The following KIAA1328 variants were observed in gnomAD, a reference collection of about 807,000 sequenced individuals.
KIAA1328 encodes KIAA1328, also known as protein hinderin.
In KIAA1328, 52 loss-of-function variants were observed where a neutral mutation model predicts 68.1. The ratio of observed to expected loss-of-function variants is 0.76; its 90% CI spans 0.61 to 0.96. KIAA1328 has a LOEUF of 0.96. Ranked by LOEUF, KIAA1328 falls within the 40% of genes least tolerant of loss-of-function variation. The pLI, the probability that KIAA1328 is intolerant of heterozygous loss-of-function variation, is 0.00. For missense variants in KIAA1328, 641 were observed against 677.6 expected (o/e 0.95, Z 0.60); for synonymous variants, 232 against 239.4 (o/e 0.97, Z 0.28).
chr18:37,204,531 G>A (rs1252036183), intron 9 of KIAA1328, among the ~76,000 whole-genome samples: 1 of 152,120 alleles, frequency 6.6e-6, no homozygotes, highest in African/African-American at 2.4e-5. Flanking sequence ...CAGTTTAAAA[G>A]GATAGTTGGA....
At chr18:36,997,934 G>A (rs2053453266) in intron 6 of KIAA1328, among the ~76,000 whole-genome samples, 1 of 152,130 alleles carries the variant, frequency 6.6e-6, no homozygotes, top group Non-Finnish European at 1.5e-5. Context: ...TGAGAAGGAT[G>A]TGCCTTCCCC....
At chr18:37,207,062 G>A (rs912091113) in intron 9 of KIAA1328, among the ~76,000 whole-genome samples, 5 of 152,272 alleles carry the variant, frequency 3.3e-5, no homozygotes, top group Admixed American at 3.3e-4. Flanking sequence ...TGGCAAAAAG[G>A]TAGAAAAAGA....
chr18:36,930,643 G>T (rs2050277593), intron 5 of KIAA1328, among the ~76,000 whole-genome samples: 1 of 152,056 alleles, frequency 6.6e-6, no homozygotes, highest in South Asian at 2.1e-4. Flanking sequence ...TACAAAGATG[G>T]TTATAAAATG....
intron 8 of KIAA1328, among the ~76,000 whole-genome samples, chr18:37,163,955 A>G (rs1034432348): frequency 3.3e-5 from 5 of 152,230 alleles, no homozygotes; most frequent in Non-Finnish European, 5.9e-5. Context: ...TATGTAGAAT[A>G]AATTCTCCTG....
chr18:37,222,331 G>A lies in KIAA1328; in HGVS notation c.*104G>A, dbSNP rs116461638. Reference sequence around the variant, plus strand: ...GTAATTGTGTCTCTCCTTTCACGGGGACTTGTCTCACTAGCATCCTGTTAC... The same window carrying A: ...GTAATTGTGTCTCTCCTTTCACGGGAACTTGTCTCACTAGCATCCTGTTAC... On this transcript the variant is annotated 3_prime_UTR_variant, in exon 10 of 10. Coordinates refer to ENST00000280020, the MANE Select transcript of KIAA1328 (RefSeq NM_020776.3). The A allele has an allele frequency of 2.1e-3, 3,122 of 1,499,602 alleles. 62 individuals carry two copies. In the African/African-American group the frequency reaches 0.04, roughly 19 times the overall value. 92.9% of individuals were successfully genotyped at this position (1,499,602 alleles called of 1,614,324 possible).
chr18:37,068,799 TC>T (rs2056430525), intron 7 of KIAA1328, among the ~76,000 whole-genome samples: 3 of 152,194 alleles, frequency 2.0e-5, no homozygotes, highest in South Asian at 2.1e-4. Context: ...AATTTTTTTT[TC>T]TTTTGGTAGA....
chr18:36,956,520 C>T (rs1278660623), intron 5 of KIAA1328, among the ~76,000 whole-genome samples: 4 of 148,084 alleles, frequency 2.7e-5, no homozygotes, highest in African/African-American at 1.0e-4. Context: ...ATTGAAGTCT[C>T]ATTGTGCTAA....
At chr18:37,196,745 T>C (rs2060010797) in intron 9 of KIAA1328, among the ~76,000 whole-genome samples, 1 of 152,150 alleles carries the variant, frequency 6.6e-6, no homozygotes, top group South Asian at 2.1e-4. Context: ...CTTCTTTTTT[T>C]GTTGTGTCTT....
intron 5 of KIAA1328, among the ~76,000 whole-genome samples, chr18:36,914,999 A>C (rs2049628526): frequency 6.6e-6 from 1 of 152,250 alleles, no homozygotes. Flanking sequence ...GATCCCAATC[A>C]AAATCCTAGC....
chr18:37,100,557 G>T (rs1431094519), intron 7 of KIAA1328, among the ~76,000 whole-genome samples: 2 of 152,222 alleles, frequency 1.3e-5, no homozygotes, highest in Non-Finnish European at 2.9e-5. Context: ...CGCAGCTCAA[G>T]AAGACCCTCT....
intron 4 of KIAA1328, among the ~76,000 whole-genome samples, chr18:36,877,852 A>G (rs1033185709): frequency 1.3e-5 from 2 of 151,560 alleles, no homozygotes; most frequent in African/African-American, 2.4e-5. Context: ...TATTTTTATT[A>G]GAGACGGGGT....
intron 6 of KIAA1328, among the ~76,000 whole-genome samples, chr18:37,033,199 A>C (rs1006618730): frequency 4.6e-5 from 7 of 152,102 alleles, no homozygotes; most frequent in African/African-American, 1.7e-4. Context: ...TGATGAGCTT[A>C]TTTATAATAG....
At chr18:37,086,581 C>T (rs558307972) in intron 7 of KIAA1328, among the ~76,000 whole-genome samples, 1 of 152,266 alleles carries the variant, frequency 6.6e-6, no homozygotes, top group Admixed American at 6.5e-5. Context: ...CTAAAACATG[C>T]GCTGCAGTAG....
At chr18:37,096,444 A>G (rs2057410239) in intron 7 of KIAA1328, among the ~76,000 whole-genome samples, 1 of 152,142 alleles carries the variant, frequency 6.6e-6, no homozygotes, top group African/African-American at 2.4e-5. Flanking sequence ...TCCATGGTGT[A>G]TATGTGCCAC....
intron 8 of KIAA1328, among the ~76,000 whole-genome samples, 184 bp from the exon 9 acceptor site, chr18:37,172,789 A>G (rs1416454374): frequency 1.3e-5 from 2 of 152,230 alleles, no homozygotes; most frequent in Non-Finnish European, 2.9e-5. Context: ...AAAGCGCATT[A>G]TAGATTTCCC....
intron 8 of KIAA1328, among the ~76,000 whole-genome samples, chr18:37,162,800 C>T (rs183400197): frequency 2.6e-5 from 4 of 151,742 alleles, no homozygotes; most frequent in Admixed American, 2.6e-4. Flanking sequence ...ACTACAGGAC[C>T]ATTAATCTTT....
intron 5 of KIAA1328, among the ~76,000 whole-genome samples, chr18:36,915,495 A>G (rs1385579761): frequency 6.6e-6 from 1 of 152,198 alleles, no homozygotes; most frequent in African/African-American, 2.4e-5. Flanking sequence ...TAAGAAAACA[A>G]TCTAACAAAA....
chr18:36,879,932 G>A (rs912967349), intron 4 of KIAA1328, among the ~76,000 whole-genome samples: 5 of 152,180 alleles, frequency 3.3e-5, no homozygotes, highest in African/African-American at 1.2e-4. Flanking sequence ...CTGGCAGCGA[G>A]AATTTCAAGC....
chr18:36,832,423 T>G (rs1023104438), intron 1 of KIAA1328, among the ~76,000 whole-genome samples: 4 of 151,596 alleles, frequency 2.6e-5, no homozygotes, highest in Non-Finnish European at 4.4e-5. Context: ...CCGTCTCTAC[T>G]AAAACTACAA....
Sources: allele counts gnomAD v4.1 joint callset (sites outside exome capture counted in the v4.1 genomes callset), GRCh38; gene constraint gnomAD v4.1.1; transcripts MANE v1.5; gene names NCBI Gene and HGNC (gene_info 2026-07-23, HGNC 2026-07-21).